GABRA5: variants seen among roughly 807,000 people sequenced by gnomAD.
The protein encoded by GABRA5 is gamma-aminobutyric acid type A receptor subunit alpha5.
In GABRA5, 18 loss-of-function variants were observed where a neutral mutation model predicts 47.3. The ratio of observed to expected loss-of-function variants is 0.38; its 90% CI spans 0.26 to 0.56. The LOEUF (loss-of-function observed/expected upper bound fraction) is 0.56. Ranked by LOEUF, GABRA5 falls within the 20% of genes least tolerant of loss-of-function variation. The pLI is 0.71. For missense variants in GABRA5, 365 were observed against 599.3 expected, an observed-to-expected ratio of 0.61 and a Z score of 4.08; for synonymous variants, 237 against 229.3, an observed-to-expected ratio of 1.03 and a Z score of -0.30.
intron 7 of GABRA5, among the ~76,000 whole-genome samples, chr15:26,935,674 G>A (rs906822332): frequency 4.6e-5 from 7 of 152,340 alleles, no homozygotes; most frequent in Middle Eastern, 3.4e-3. Context: ...ATCCCATCGC[G>A]TCTCATGTCC....
Position 26,948,001 on chromosome 15 carries a change from C to A in GABRA5, c.1157C>A (p.Pro386Gln), listed in dbSNP as rs1203561647. The A allele has an allele frequency of 2.5e-6, 4 of 1,600,006 alleles. No homozygotes were observed. The highest frequency in any genetic ancestry group is 1.1e-5 in the South Asian group (1 of 88,482). ...AFTTGKMSHP[P>Q]NIPKEQTPAG... is the part of the protein sequence containing the mutation. ...ACAACTGGGAAGATGTCTCACCCCC[C>A]AAACATTCCGAAGGAACAGACCCCA... is the stretch of plus-strand genomic sequence containing the variant. Residue 386 changes from proline to glutamine, a missense_variant, in exon 11 of 11, where the codon CCA becomes CAA. This residue lies in a region of GABRA5 where 106 missense variants were observed against 130.3 expected (regional missense o/e 0.81). Coordinates refer to ENST00000335625, the MANE Select transcript of GABRA5 (RefSeq NM_000810.4).
At chr15:26,872,251 GT>G (rs1892490511) in intron 3 of GABRA5, among the ~76,000 whole-genome samples, 1 of 152,170 alleles carries the variant, frequency 6.6e-6, no homozygotes, top group African/African-American at 2.4e-5. Context: ...TGGAGCACCT[GT>G]CTTTATGTTT....
chr15:26,874,937 C>T (rs1892556064), intron 3 of GABRA5, among the ~76,000 whole-genome samples: 1 of 152,194 alleles, frequency 6.6e-6, no homozygotes, highest in Admixed American at 6.5e-5. Flanking sequence ...TGACAGAGGG[C>T]AGTGTAGCTG....
At chr15:26,887,417 C>T (rs1892905066) in intron 6 of GABRA5, among the ~76,000 whole-genome samples, 2 of 152,030 alleles carry the variant, frequency 1.3e-5, no homozygotes, top group African/African-American at 4.8e-5. Context: ...GCAACCTCTG[C>T]CTCCCGGATT....
rs142817580 is a variant in GABRA5, at chr15:26,886,145, A to G, written c.497+2588A>G. ...AGCGATTCTCTTGCCTCAGCCTCCCAAGTAGCTGGGATTACAGGCGTGTGC... is the reference window on the plus strand; with the variant it reads ...AGCGATTCTCTTGCCTCAGCCTCCCGAGTAGCTGGGATTACAGGCGTGTGC... On this transcript the variant is annotated intron_variant, in intron 6 of 10. Coordinates refer to ENST00000335625, the MANE Select transcript of GABRA5 (RefSeq NM_000810.4). Among the ~76,000 whole-genome samples the G allele has an allele frequency of 1.5e-3, 227 of 152,044 alleles. 2 individuals are homozygous for G. In the East Asian group the frequency reaches 0.033, roughly 22 times the overall value.
At chr15:26,900,214 A>G (rs1050432225) in intron 6 of GABRA5, among the ~76,000 whole-genome samples, 1 of 152,128 alleles carries the variant, frequency 6.6e-6, no homozygotes, top group Admixed American at 6.6e-5. Flanking sequence ...ATCTTTACAC[A>G]TAGTTTGTGT....
At chr15:26,894,199 A>G (rs1377170502) in intron 6 of GABRA5, among the ~76,000 whole-genome samples, 1 of 152,164 alleles carries the variant, frequency 6.6e-6, no homozygotes, top group Admixed American at 6.5e-5. Flanking sequence ...CAAAGGTGGA[A>G]ACGGAAGCCT....
chr15:26,881,254 A>G (rs957697034), intron 4 of GABRA5, among the ~76,000 whole-genome samples: 2 of 152,206 alleles, frequency 1.3e-5, no homozygotes, highest in African/African-American at 4.8e-5. Context: ...CTCTTCCCAG[A>G]TAATCTTAAT....
chr15:26,894,006 G>C (rs953098260), intron 6 of GABRA5, among the ~76,000 whole-genome samples: 1 of 152,216 alleles, frequency 6.6e-6, no homozygotes, highest in African/African-American at 2.4e-5. Flanking sequence ...GCCTCCAGGA[G>C]TGTTAGGTCG....
chr15:26,944,637 C>T (rs764678880), intron 10 of GABRA5, among the ~76,000 whole-genome samples: 6 of 152,176 alleles, frequency 3.9e-5, no homozygotes, highest in Non-Finnish European at 5.9e-5. Flanking sequence ...GGTTCTTGGC[C>T]GACACGTTTG....
chr15:26,891,161 G>A (rs569712079), intron 6 of GABRA5, among the ~76,000 whole-genome samples: 2 of 152,252 alleles, frequency 1.3e-5, no homozygotes, highest in East Asian at 1.9e-4. Flanking sequence ...TTGGACTCTC[G>A]GGCACACATC....
At chr15:26,884,571 G>A (rs1057348939) in intron 6 of GABRA5, among the ~76,000 whole-genome samples, 2 of 152,016 alleles carry the variant, frequency 1.3e-5, no homozygotes, top group Non-Finnish European at 2.9e-5. Context: ...AATTTTTCAC[G>A]GTAAACTTTA....
intron 6 of GABRA5, among the ~76,000 whole-genome samples, chr15:26,913,787 C>T (rs1566878281): frequency 6.6e-6 from 1 of 152,186 alleles, no homozygotes; most frequent in Admixed American, 6.5e-5. Context: ...CACAGTGTGG[C>T]GGCTCTGGGA....
intron 6 of GABRA5, among the ~76,000 whole-genome samples, chr15:26,887,164 A>C (rs1487836057): frequency 6.6e-6 from 1 of 152,216 alleles, no homozygotes; most frequent in African/African-American, 2.4e-5. Context: ...TTTATGCACA[A>C]AGGTGTCTAT....
intron 3 of GABRA5, among the ~76,000 whole-genome samples, chr15:26,879,763 A>C (rs1044936406): frequency 6.6e-6 from 1 of 152,154 alleles, no homozygotes; most frequent in Non-Finnish European, 1.5e-5. Flanking sequence ...CTCTGATTTC[A>C]GCCTTTTCAT....
intron 6 of GABRA5, among the ~76,000 whole-genome samples, chr15:26,908,679 G>C (rs1893504928): frequency 6.6e-6 from 1 of 152,134 alleles, no homozygotes; most frequent in Non-Finnish European, 1.5e-5. Flanking sequence ...TGAATTTCAA[G>C]GGTCCCTAAA....
chr15:26,876,664 C>T (rs1291849768), intron 3 of GABRA5, among the ~76,000 whole-genome samples: 7 of 152,184 alleles, frequency 4.6e-5, no homozygotes, highest in South Asian at 4.2e-4. Flanking sequence ...GGGGAGGCAG[C>T]GGGGGTTGCT....
chr15:26,869,156 C>T lies in GABRA5; in HGVS notation c.-74-19C>T, dbSNP rs1164002240. On this transcript the variant is annotated intron_variant, in intron 2 of 10. Transcript: ENST00000335625. The stretch of plus-strand genomic sequence containing the variant: ...CAGCATTGATGTTCACGTGCTTCCC[C>T]GCTTTGTGTGCTTTTCAGCTTCAAG... The T allele has an allele frequency of 3.1e-5, 25 of 803,918 alleles. No homozygotes were observed. Among genetic ancestry groups the T allele is most frequent in the African/African-American group, 3.4e-5 (2 of 59,426 alleles). The allele number at this position is 803,918 out of a possible 1,614,324, so 49.8% of individuals were successfully genotyped here. A position where few individuals can be genotyped will look rare whatever the true frequency, so the allele number is the denominator to read the frequency against.
At position 26,948,190 on chromosome 15, in the gene GABRA5, T is replaced by C. The variant is rs749898972; in HGVS notation, c.1346T>C (p.Leu449Ser). The C allele has an allele frequency of 6.2e-7, 1 of 1,613,658 alleles. No individual in the cohort carries two copies. The highest frequency in any genetic ancestry group is 8.5e-7 in the Non-Finnish European group (1 of 1,179,848). Residue 449 changes from leucine to serine, a missense_variant, in exon 11 of 11, where the codon TTG becomes TCG. Coordinates refer to ENST00000335625, the MANE Select transcript of GABRA5 (RefSeq NM_000810.4). ...AACTTAGTTTACTGGGCAACGTATT[T>C]GAATAGGGAGCCGGTGATAAAAGGA... ...TFNLVYWATY[L>S]NREPVIKGAA...
Sources: allele counts gnomAD v4.1 joint callset (sites outside exome capture counted in the v4.1 genomes callset), GRCh38; gene constraint gnomAD v4.1.1; regional missense constraint gnomAD v4.1.1; transcripts MANE v1.5; gene names NCBI Gene and HGNC (gene_info 2026-07-23, HGNC 2026-07-21).